Variants in KLF12 observed in about 807,000 individuals in gnomAD.
KLF12 encodes KLF transcription factor 12.
A neutral mutation model predicts 37.8 loss-of-function variants in KLF12; 9 were observed. That is an observed-to-expected ratio of 0.24 (90% CI 0.14 to 0.42). The LOEUF (loss-of-function observed/expected upper bound fraction) is 0.42, where lower values mean the gene tolerates loss of function less well. Among genes scored for constraint, KLF12 ranks in the 10% least tolerant of loss-of-function variants. The pLI is 1.00. For synonymous variants in KLF12, 208 were observed against 202.1 expected, an observed-to-expected ratio of 1.03 and a Z score of -0.25; for missense variants, 411 against 516.0, an observed-to-expected ratio of 0.80 and a Z score of 1.97.
chr13:73,776,762 G>T (rs1324180285), intron 5 of KLF12, among the ~76,000 whole-genome samples: 1 of 152,024 alleles, frequency 6.6e-6, no homozygotes, highest in African/African-American at 2.4e-5. Context: ...AAGCACATCT[G>T]GTTGTTATTT....
intron 1 of KLF12, among the ~76,000 whole-genome samples, chr13:74,042,068 C>T (rs1466270862): frequency 1.3e-5 from 2 of 152,012 alleles, no homozygotes; most frequent in Admixed American, 6.6e-5. Context: ...CTTTAGGAGG[C>T]TGAGGTGGGT....
chr13:73,872,394 C>T (rs958596594), intron 3 of KLF12, among the ~76,000 whole-genome samples: 1 of 152,048 alleles, frequency 6.6e-6, no homozygotes, highest in African/African-American at 2.4e-5. Context: ...ATTTTGAATG[C>T]TCAGGATTTT....
At chr13:74,056,176 G>A (rs1432631484) in intron 1 of KLF12, among the ~76,000 whole-genome samples, 2 of 152,164 alleles carry the variant, frequency 1.3e-5, no homozygotes, top group African/African-American at 4.8e-5. Context: ...GGGAGAGCAA[G>A]AGGGAGGGAA....
chr13:74,265,491 G>A, the KLF12 span, among the ~76,000 whole-genome samples: 21 of 152,132 alleles, frequency 1.4e-4, no homozygotes, highest in African/African-American at 4.6e-4. Context: ...ACCTGTGGTC[G>A]TTTTCTGGTG....
the KLF12 span, among the ~76,000 whole-genome samples, chr13:74,172,052 C>T: frequency 6.6e-6 from 1 of 151,914 alleles, no homozygotes; most frequent in African/African-American, 2.4e-5. Flanking sequence ...CCATTGACCC[C>T]AGCCAAATGG....
chr13:74,119,199 G>A (rs536032876), intron 1 of KLF12, among the ~76,000 whole-genome samples: 118 of 152,142 alleles, frequency 7.8e-4, no homozygotes, highest in African/African-American at 2.5e-3. Flanking sequence ...CAGGTGTGGT[G>A]GCACGTGCCT....
chr13:74,286,123 C>T, the KLF12 span, among the ~76,000 whole-genome samples: 2 of 152,178 alleles, frequency 1.3e-5, no homozygotes, highest in Non-Finnish European at 2.9e-5. Context: ...TCATAAAATG[C>T]TGAATGTTGA....
chr13:73,841,815 G>A (rs919307599), intron 4 of KLF12, among the ~76,000 whole-genome samples: 2 of 152,114 alleles, frequency 1.3e-5, no homozygotes, highest in Non-Finnish European at 2.9e-5. Flanking sequence ...CTGTGGGGGG[G>A]CTAACTGCTA....
At chr13:73,749,610 T>A (rs1008850035) in intron 6 of KLF12, among the ~76,000 whole-genome samples, 1 of 152,188 alleles carries the variant, frequency 6.6e-6, no homozygotes, top group Non-Finnish European at 1.5e-5. Flanking sequence ...CATGAAGAAC[T>A]GCTAGGCAGA....
chr13:74,062,056 C>A (rs1873624238), intron 1 of KLF12, among the ~76,000 whole-genome samples: 2 of 152,090 alleles, frequency 1.3e-5, no homozygotes, highest in Admixed American at 1.3e-4. Flanking sequence ...ACTGTGGTTA[C>A]CCTATTTCTA....
At chr13:74,113,151 T>TA (rs1319076378) in intron 1 of KLF12, among the ~76,000 whole-genome samples, 1 of 152,132 alleles carries the variant, frequency 6.6e-6, no homozygotes, top group African/African-American at 2.4e-5. Flanking sequence ...TCATGAGGTT[T>TA]AAGAAAAGAA....
In KLF12 at chr13:73,947,900, C is replaced by T. The variant is rs547743757; in HGVS notation, c.34-3830G>A. ...CCAAGGCAGGTCATTTCCTTTCTCT[C>T]CTCCTGACCTTGACTCATTTTGCAC... On this transcript the variant is annotated intron_variant, in intron 2 of 7. Transcript: ENST00000377669. Among the ~76,000 whole-genome samples the T allele has an allele frequency of 9.2e-5, 14 of 152,262 alleles. No homozygotes were observed. In the East Asian group the frequency reaches 2.7e-3, roughly 29 times the overall value.
chr13:74,302,044 A>C, the KLF12 span, among the ~76,000 whole-genome samples: 1 of 152,124 alleles, frequency 6.6e-6, no homozygotes. Context: ...TCTGTGAAGG[A>C]TGTTTTTGGT....
intron 3 of KLF12, among the ~76,000 whole-genome samples, chr13:73,924,518 A>ATG (rs1326449069): frequency 6.6e-6 from 1 of 152,102 alleles, no homozygotes; most frequent in South Asian, 2.1e-4. Flanking sequence ...AACTTAATAA[A>ATG]TGTGTGTGTT....
intron 3 of KLF12, among the ~76,000 whole-genome samples, chr13:73,907,537 G>A (rs558550897): frequency 6.6e-6 from 1 of 152,230 alleles, no homozygotes; most frequent in Admixed American, 6.5e-5. Context: ...AACACAAAAT[G>A]ATACTTAATT....
intron 5 of KLF12, among the ~76,000 whole-genome samples, chr13:73,771,977 G>C (rs1279867391): frequency 6.6e-6 from 1 of 152,214 alleles, no homozygotes; most frequent in Non-Finnish European, 1.5e-5. Context: ...GAATAATATG[G>C]CATGGCCAGA....
chr13:73,851,444 A>G (rs1469063686), intron 3 of KLF12, among the ~76,000 whole-genome samples: 1 of 152,042 alleles, frequency 6.6e-6, no homozygotes, highest in South Asian at 2.1e-4. Context: ...TTTTTCCTCT[A>G]CTTTCTAGCT....
the KLF12 span, among the ~76,000 whole-genome samples, chr13:74,184,295 A>G: frequency 6.6e-6 from 1 of 152,236 alleles, no homozygotes; most frequent in African/African-American, 2.4e-5. Flanking sequence ...ATTTCAGAAG[A>G]TAATTAAAAT....
chr13:74,289,515 T>C, the KLF12 span, among the ~76,000 whole-genome samples: 1 of 152,346 alleles, frequency 6.6e-6, no homozygotes, highest in East Asian at 1.9e-4. Context: ...CTCCATATTA[T>C]GGCAGAGTTG....
Sources: gnomAD v4.1 joint callset for allele counts (sites outside exome capture counted in the v4.1 genomes callset) on GRCh38, gnomAD v4.1.1 for gene constraint, MANE v1.5 for transcripts, NCBI Gene and HGNC (gene_info 2026-07-23, HGNC 2026-07-21) for gene names.